The following IL1RAPL2 variants were observed in gnomAD, a reference collection of about 807,000 sequenced individuals.
The protein encoded by IL1RAPL2 is interleukin 1 receptor accessory protein like 2.
IL1RAPL2 carries 3 observed loss-of-function variants against 44.1 expected under a neutral mutation model. That is an observed-to-expected ratio of 0.07 (90% CI 0.03 to 0.18). The LOEUF (loss-of-function observed/expected upper bound fraction) is 0.18. IL1RAPL2 is among the 10% of genes least tolerant of loss of function. The pLI, the probability that IL1RAPL2 is intolerant of heterozygous loss-of-function variation, is 1.00. For synonymous variants in IL1RAPL2, 181 were observed against 178.8 expected, an observed-to-expected ratio of 1.01 and a Z score of -0.10; for missense variants, 391 against 496.4, an observed-to-expected ratio of 0.79 and a Z score of 2.02.
intron 2 of IL1RAPL2, among the ~76,000 whole-genome samples, chrX:105,080,806 T>A (rs2032394640): frequency 8.9e-6 from 1 of 111,845 alleles, no homozygotes; most frequent in Non-Finnish European, 1.9e-5. Context: ...ACTACTTTGG[T>A]CAGTATGGCC....
chrX:105,201,051 C>T (rs897001165), intron 3 of IL1RAPL2, among the ~76,000 whole-genome samples: 3 of 111,549 alleles, frequency 2.7e-5, no homozygotes, highest in Admixed American at 9.5e-5. Flanking sequence ...ACCTCTGCAA[C>T]GAGGTAAACA....
At chrX:105,330,974 A>G (rs2034981444) in intron 5 of IL1RAPL2, among the ~76,000 whole-genome samples, 1 of 111,800 alleles carries the variant, frequency 8.9e-6, no homozygotes, top group South Asian at 3.7e-4. Context: ...TCCTTGTTAA[A>G]TGGGGCTAAT....
intron 6 of IL1RAPL2, among the ~76,000 whole-genome samples, chrX:105,569,543 C>T (rs896216610): frequency 2.7e-5 from 3 of 111,568 alleles, no homozygotes; most frequent in African/African-American, 9.8e-5. Context: ...GTGCTCAGCT[C>T]CAGACTTTTG....
intron 2 of IL1RAPL2, among the ~76,000 whole-genome samples, chrX:104,959,234 C>A (rs1170320153): frequency 9.0e-6 from 1 of 111,442 alleles, no homozygotes; most frequent in Non-Finnish European, 1.9e-5. Context: ...ACTAGTGATG[C>A]CCATTCGTGT....
chrX:105,092,841 A>C (rs2032560239), intron 2 of IL1RAPL2, among the ~76,000 whole-genome samples: 1 of 110,927 alleles, frequency 9.0e-6, no homozygotes, highest in Admixed American at 9.6e-5. Flanking sequence ...TGCCCATGCT[A>C]TTATTTTCCA....
At chrX:104,924,385 A>C (rs910085724) in intron 2 of IL1RAPL2, among the ~76,000 whole-genome samples, 1 of 111,831 alleles carries the variant, frequency 8.9e-6, no homozygotes, top group African/African-American at 3.2e-5. Flanking sequence ...CTACCCAACA[A>C]CTGCAGGATA....
chrX:105,190,549 A>G (rs2033624510), intron 2 of IL1RAPL2, among the ~76,000 whole-genome samples: 1 of 112,379 alleles, frequency 8.9e-6, no homozygotes, highest in Admixed American at 9.4e-5. Context: ...GGTTTAACAA[A>G]TGAATTTGTT....
intron 2 of IL1RAPL2, among the ~76,000 whole-genome samples, chrX:105,059,051 C>T (rs2032037394): frequency 8.9e-6 from 1 of 111,787 alleles, no homozygotes; most frequent in African/African-American, 3.3e-5. Context: ...ACATACAATG[C>T]ATAATAATTC....
chrX:104,846,961 T>C (rs1307503429), intron 2 of IL1RAPL2, among the ~76,000 whole-genome samples: 1 of 112,478 alleles, frequency 8.9e-6, no homozygotes, highest in Non-Finnish European at 1.9e-5. Flanking sequence ...TGATGAGCGT[T>C]TTTTCACATG....
intron 2 of IL1RAPL2, among the ~76,000 whole-genome samples, chrX:104,848,445 AT>A (rs1790133317): frequency 3.6e-5 from 3 of 83,991 alleles, no homozygotes; most frequent in African/African-American, 8.3e-5. Context: ...ATATATATAT[AT>A]ATATAACTTA....
intron 2 of IL1RAPL2, among the ~76,000 whole-genome samples, chrX:104,980,090 G>T (rs893663809): frequency 2.7e-5 from 3 of 111,585 alleles, no homozygotes; most frequent in African/African-American, 9.7e-5. Context: ...ATCAATATGG[G>T]TCTAGTTAAG....
intron 6 of IL1RAPL2, among the ~76,000 whole-genome samples, chrX:105,696,782 C>A (rs1455246249): frequency 1.3e-4 from 15 of 111,660 alleles, no homozygotes; most frequent in Non-Finnish European, 1.9e-5. Context: ...TAGCCAGGTA[C>A]CCCTGGATAC....
At chrX:104,770,730 A>T (rs745993210) in intron 2 of IL1RAPL2, among the ~76,000 whole-genome samples, 68 of 111,714 alleles carry the variant, frequency 6.1e-4, no homozygotes, top group Non-Finnish European at 1.1e-3. Flanking sequence ...CGTTGAAGAG[A>T]CTCACTTATT....
intron 2 of IL1RAPL2, among the ~76,000 whole-genome samples, chrX:105,024,290 C>A (rs770063404): frequency 1.8e-5 from 2 of 111,542 alleles, no homozygotes; most frequent in Non-Finnish European, 3.8e-5. Flanking sequence ...TTGAAGCATT[C>A]TGGCAATGGG....
chrX:104,585,335 A>T lies in IL1RAPL2; in HGVS notation c.-20+18284A>T, dbSNP rs898262195. Among the ~76,000 whole-genome samples, 21 of 17,279 alleles carry T rather than the reference A, an allele frequency of 1.2e-3. 1 individual carries two copies. The highest frequency in any genetic ancestry group is 1.5e-3 in the Non-Finnish European group (19 of 12,710). The allele number at this position is 17,279 out of a possible 115,157, so 15.0% of individuals were successfully genotyped here. On this transcript the variant is annotated intron_variant, in intron 1 of 10. Coordinates refer to ENST00000372582, the MANE Select transcript of IL1RAPL2 (RefSeq NM_017416.2). ...ATAATATATATTATATATAATATAT[A>T]TTATATATTATATATATTATATATA...
chrX:104,809,562 T>G (rs1932955937), intron 2 of IL1RAPL2, among the ~76,000 whole-genome samples: 1 of 110,222 alleles, frequency 9.1e-6, no homozygotes, highest in Admixed American at 9.7e-5. Flanking sequence ...TCACCCACTT[T>G]TTGATGGGGT....
At chrX:105,054,540 C>T (rs2031968895) in intron 2 of IL1RAPL2, among the ~76,000 whole-genome samples, 1 of 112,016 alleles carries the variant, frequency 8.9e-6, no homozygotes, top group South Asian at 3.7e-4. Context: ...CCCATTTCAG[C>T]CTCCCCAGTA....
At chrX:105,310,510 G>A (rs759138649) in intron 5 of IL1RAPL2, among the ~76,000 whole-genome samples, 10 of 110,913 alleles carry the variant, frequency 9.0e-5, no homozygotes, top group Non-Finnish European at 1.7e-4. Context: ...CCTACTTTGG[G>A]TTTAATTTAC....
At position 105,222,545 on chromosome X, in the gene IL1RAPL2, C is replaced by T. The variant is rs1422859735; in HGVS notation, c.357-11273C>T. Among the ~76,000 whole-genome samples, 3 of 111,707 alleles carry T rather than the reference C, an allele frequency of 2.7e-5. No homozygotes were observed. In the Admixed American group the frequency reaches 2.9e-4, roughly 11 times the overall value. The stretch of plus-strand genomic sequence containing the variant: ...GAGTGACTTCTACAGAAAGAGCATC[C>T]AGAAGATAATGTAGAAAAGAGAATG... On this transcript the variant is annotated intron_variant, in intron 3 of 10. Transcript: ENST00000372582.
Sources: allele counts gnomAD v4.1 joint callset (sites outside exome capture counted in the v4.1 genomes callset), GRCh38; gene constraint gnomAD v4.1.1; transcripts MANE v1.5; gene names NCBI Gene and HGNC (gene_info 2026-07-23, HGNC 2026-07-21).